The following DRC10 variants were observed in gnomAD, a reference collection of about 807,000 sequenced individuals.
DRC10 encodes the protein IQ domain-containing protein D.
chr12:113,202,696 A>G, the DRC10 span, among the ~76,000 whole-genome samples: 1 of 152,160 alleles, frequency 6.6e-6, no homozygotes, highest in Non-Finnish European at 1.5e-5. Flanking sequence ...TGGGGGCCAC[A>G]TGATGGGGAA....
At chr12:113,219,901 C>T in the DRC10 span, among the ~76,000 whole-genome samples, 6 of 152,262 alleles carry the variant, frequency 3.9e-5, no homozygotes, top group East Asian at 9.6e-4. Flanking sequence ...CTCCACCACC[C>T]GGGTTCAAGA....
At chr12:113,203,777 A>ATTTTTTTTTTTT in the DRC10 span, among the ~76,000 whole-genome samples, 1 of 96,970 alleles carries the variant, frequency 1.0e-5, no homozygotes, top group Non-Finnish European at 1.9e-5. Flanking sequence ...TGCCCAGCTA[A>ATTTTTTTTTTTT]TTTTTTTTTT....
the DRC10 span, among the ~76,000 whole-genome samples, chr12:113,218,869 T>C: frequency 6.6e-6 from 1 of 152,238 alleles, no homozygotes; most frequent in African/African-American, 2.4e-5. Flanking sequence ...GAGTTATTTA[T>C]TTATTCACCT....
chr12:113,216,207 A>G, the DRC10 span, among the ~76,000 whole-genome samples: 1 of 152,212 alleles, frequency 6.6e-6, no homozygotes, highest in Non-Finnish European at 1.5e-5. Flanking sequence ...AAAAGAAATG[A>G]GCTGTCAAGC....
chr12:113,207,687 G>A, the DRC10 span: 7 of 1,614,020 alleles, frequency 4.3e-6, no homozygotes, highest in Non-Finnish European at 5.1e-6. Context: ...GGGGGTTGCT[G>A]AGCAAGAGTC....
the DRC10 span, among the ~76,000 whole-genome samples, chr12:113,199,701 G>T: frequency 0.065 from 9,868 of 151,874 alleles, 382 homozygotes; most frequent in Middle Eastern, 0.075. Context: ...TGATGAAGGA[G>T]AAGGCAAATG....
At chr12:113,206,788 A>AGT in the DRC10 span, among the ~76,000 whole-genome samples, 1 of 151,218 alleles carries the variant, frequency 6.6e-6, no homozygotes, top group African/African-American at 2.4e-5. Context: ...GGCCGGGCAT[A>AGT]GTGGCTCATG....
chr12:113,210,215 A>G, the DRC10 span, among the ~76,000 whole-genome samples: 1 of 152,220 alleles, frequency 6.6e-6, no homozygotes, highest in Non-Finnish European at 1.5e-5. Context: ...TATTGCTTTC[A>G]TAGTACAATG....
At chr12:113,200,353 C>G in the DRC10 span, 1 of 681,504 alleles carries the variant, frequency 1.5e-6, no homozygotes, top group African/African-American at 1.8e-5. Context: ...AGTTTGTCCC[C>G]TGTCCCCAGG....
chr12:113,205,134 T>G, the DRC10 span, among the ~76,000 whole-genome samples: 1 of 152,030 alleles, frequency 6.6e-6, no homozygotes, highest in East Asian at 1.9e-4. Flanking sequence ...CCTTCCTTAC[T>G]GTGAACTCCA....
chr12:113,200,372 C>G, the DRC10 span: 1 of 691,556 alleles, frequency 1.4e-6, no homozygotes, highest in Non-Finnish European at 2.6e-6. Context: ...GGCCTGTGTG[C>G]TGCCCCTTCC....
At chr12:113,197,529 A>G in the DRC10 span, 2 of 1,515,300 alleles carry the variant, frequency 1.3e-6, no homozygotes, top group Non-Finnish European at 1.8e-6. Context: ...AGACTTATTC[A>G]GCGACAAATA....
At chr12:113,198,090 A>C in the DRC10 span, among the ~76,000 whole-genome samples, 1 of 152,144 alleles carries the variant, frequency 6.6e-6, no homozygotes, top group East Asian at 1.9e-4. Flanking sequence ...GGTGATGCAC[A>C]CCTGTAATCT....
chr12:113,196,451 TTTCC>T, the DRC10 span, among the ~76,000 whole-genome samples: 2 of 152,132 alleles, frequency 1.3e-5, no homozygotes, highest in African/African-American at 4.8e-5. Context: ...TTACACCCGT[TTTCC>T]TTCCTTCCAC....
the DRC10 span, chr12:113,195,809 C>T: frequency 1.9e-6 from 3 of 1,614,000 alleles, no homozygotes; most frequent in African/African-American, 2.7e-5. Flanking sequence ...ACTCTCCCAC[C>T]AGCACTTTGT....
chr12:113,213,866 C>T, the DRC10 span, among the ~76,000 whole-genome samples: 1 of 152,176 alleles, frequency 6.6e-6, no homozygotes, highest in Admixed American at 6.5e-5. Flanking sequence ...ATTGCTTGAA[C>T]CTGGGAGGTG....
At chr12:113,197,524 T>A in the DRC10 span, 7 of 1,504,464 alleles carry the variant, frequency 4.7e-6, no homozygotes, top group Non-Finnish European at 5.4e-6. Context: ...GAGAGAGACT[T>A]ATTCAGCGAC....
the DRC10 span, among the ~76,000 whole-genome samples, chr12:113,197,818 G>A: frequency 6.6e-6 from 1 of 152,184 alleles, no homozygotes; most frequent in African/African-American, 2.4e-5. Context: ...GCTAATGGGT[G>A]GCAGAGCCTG....
the DRC10 span, among the ~76,000 whole-genome samples, chr12:113,205,125 C>T: frequency 6.6e-6 from 1 of 152,004 alleles, no homozygotes; most frequent in Non-Finnish European, 1.5e-5. Flanking sequence ...TAATTCCTAC[C>T]TTCCTTACTG....
Sources: allele counts gnomAD v4.1 joint callset (sites outside exome capture counted in the v4.1 genomes callset), GRCh38; gene constraint gnomAD v4.1.1; transcripts MANE v1.5; gene names NCBI Gene and HGNC (gene_info 2026-07-23, HGNC 2026-07-21).